EPPK1: variants seen among roughly 807,000 people sequenced by gnomAD.
EPPK1 encodes epiplakin 1.
For synonymous variants in EPPK1, 1,862 were observed against 1,721.2 expected (o/e 1.08, Z -2.03); for missense variants, 3,823 against 3,673.3 (o/e 1.04, Z -1.05).
At position 143,868,573 on chromosome 8, in the gene EPPK1, C is replaced by G; in HGVS notation, c.4681G>C (p.Asp1561His). ...CCCTCCAGGGACCGCTTCACGCTGT[C>G]CATCTCCGCCACCTCCTTCACAGTC... is the stretch of plus-strand genomic sequence containing the variant. ...TTTVKEVAEMDSVKRSLEGGN... is the reference protein window; with the variant it reads ...TTTVKEVAEMHSVKRSLEGGN... The change falls in exon 2 of 2, where the codon GAC (aspartate) becomes CAC (histidine). Residue 1561 changes from aspartate (D) to histidine (H), a missense_variant. Transcript: ENST00000615648. 1 of 1,603,822 alleles carries G rather than the reference C, an allele frequency of 6.2e-7. No homozygotes were observed. The highest frequency in any genetic ancestry group is 1.1e-5 in the South Asian group (1 of 89,506).
Position 143,869,678 on chromosome 8 carries a change from G to A in EPPK1, c.3576C>T (p.Ala1192=), listed in dbSNP as rs1210544250. The A allele has an allele frequency of 6.3e-6, 10 of 1,596,694 alleles. No homozygotes were observed. The highest frequency in any genetic ancestry group is 7.7e-6 in the Non-Finnish European group (9 of 1,172,788). ...CCCGTGGGCCGGGCACCATGACGCG[G>A]GCCTGGGCCAGGAGCTTGGTCTCCT... ...WVQETKLLAQ[A]RVMVPGPRGE... is the part of the protein sequence containing the mutation. Residue 1192 remains alanine, a synonymous_variant, in exon 2 of 2, where the codon GCC becomes GCT. Transcript: ENST00000615648.
upstream of EPPK1, chr8:143,878,553 G>T (rs1433314576): frequency 1.7e-5 from 1 of 58,600 alleles, no homozygotes; most frequent in South Asian, 4.3e-4. Context: ...CCCGACGCGG[G>T]GCGGGGCGGG....
In EPPK1 at chr8:143,866,711, G is replaced by T. The variant is rs1554659136; in HGVS notation, c.6543C>A (p.Ile2181=). The part of the protein sequence containing the change: ...HLWFQGIRRQ[I]TASELLSSAI... ...CTGAGCTGAGGAGTTCAGAAGCTGT[G>T]ATCTGTCGTCTAATTCCTTGGAACC... Residue 2181 remains isoleucine (I), a synonymous_variant, in exon 2 of 2, where the codon ATC becomes ATA. Coordinates refer to ENST00000615648, the MANE Select transcript of EPPK1 (RefSeq NM_031308.4). 3 of 1,613,412 alleles carry T rather than the reference G, an allele frequency of 1.9e-6. No homozygotes were observed. The Admixed American group carries it at 5.0e-5, about 27-fold the overall frequency.
In EPPK1 at chr8:143,871,909, C is replaced by T. The variant is rs1554661351; in HGVS notation, c.1345G>A (p.Glu449Lys). The T allele has an allele frequency of 6.2e-7, 1 of 1,607,848 alleles. No homozygotes were observed. The highest frequency in any genetic ancestry group is 1.1e-5 in the South Asian group (1 of 91,036). ...SDGTHGGLRYEQLLALCVTDP... is the reference protein window; with the variant it reads ...SDGTHGGLRYKQLLALCVTDP... ...GTGACACAGAGGGCCAGCAGCTGTT[C>T]ATAGCGCAGGCCGCCGTGCGTGCCG... The change falls in exon 2 of 2, where the codon GAA becomes AAA. Residue 449 changes from glutamate to lysine, a missense_variant. Coordinates refer to ENST00000615648, the MANE Select transcript of EPPK1 (RefSeq NM_031308.4).
chr8:143,867,688 C>G lies in EPPK1; in HGVS notation c.5566G>C (p.Ala1856Pro). ...KVAAIRGEVT[A>P]ADLFNSRVID... ...ACCCTGGAGTTGAACAGGTCTGCAG[C>G]TGTCACCTCCCCTCTGATGGCCGCC... The change falls in exon 2 of 2, where the codon GCT becomes CCT. Residue 1856 changes from alanine (A) to proline (P), a missense_variant. Transcript: ENST00000615648. The G allele has an allele frequency of 2.5e-6, 4 of 1,613,572 alleles. No homozygotes were observed. The highest frequency in any genetic ancestry group is 3.4e-6 in the Non-Finnish European group (4 of 1,179,858).
At chr8:143,877,201 C>T (rs896313366) in intron 1 of EPPK1, among the ~76,000 whole-genome samples, 2 of 152,218 alleles carry the variant, frequency 1.3e-5, no homozygotes, top group Admixed American at 6.5e-5. Context: ...CTGGTATGAA[C>T]CCCTCTGGGC....
At chr8:143,873,709 C>T (rs1819427015) in intron 1 of EPPK1, among the ~76,000 whole-genome samples, 1 of 152,172 alleles carries the variant, frequency 6.6e-6, no homozygotes, top group African/African-American at 2.4e-5. Context: ...TGTGGCTCCA[C>T]CCACAGGGCC....
intron 1 of EPPK1, among the ~76,000 whole-genome samples, chr8:143,874,840 G>T (rs1819450103): frequency 1.3e-5 from 2 of 152,118 alleles, no homozygotes; most frequent in South Asian, 4.2e-4. Flanking sequence ...CTCTACACAA[G>T]GTCTCAGGAG....
Position 143,866,318 on chromosome 8 carries a change from G to T in EPPK1, c.6936C>A (p.Asp2312Glu). 1.3e-5 allele frequency: 5 copies of T among 397,358 alleles called. No homozygotes were observed. Among genetic ancestry groups the T allele is most frequent in the Non-Finnish European group, 2.0e-5 (5 of 250,112 alleles). 24.6% of individuals were successfully genotyped at this position (397,358 alleles called of 1,614,324 possible). Residue 2312 changes from aspartate (D) to glutamate (E), a missense_variant, in exon 2 of 2, where the codon GAC becomes GAA. Physicochemically the swap from Asp to Glu is conservative, Grantham distance 45. Coordinates refer to ENST00000615648, the MANE Select transcript of EPPK1 (RefSeq NM_031308.4). ...GGGAGATCTGCTGCCCGGTGTAGGG[G>T]TCGGTGTAGCCGGTGACGGCGCGCT... ...SAERAVTGYT[D>E]PYTGQQISLF... is the part of the protein sequence containing the mutation.
In EPPK1 at chr8:143,866,794, C is replaced by T; in HGVS notation, c.6460G>A (p.Val2154Ile). The T allele has an allele frequency of 6.2e-7, 1 of 1,613,462 alleles. No homozygotes were observed. The highest frequency in any genetic ancestry group is 8.5e-7 in the Non-Finnish European group (1 of 1,179,862). Residue 2154 changes from valine (V) to isoleucine (I), a missense_variant, in exon 2 of 2, where the codon GTA becomes ATA. Val to Ile is a conservative substitution (Grantham distance 29, BLOSUM62 3). Transcript: ENST00000615648. ...ATCAACTCTAAGATGAGCTGCGCTA[C>T]CGTCTGCAGTGCCCGTCTGGTGTGT... is the stretch of plus-strand genomic sequence containing the variant. Reference protein sequence around the residue: ...RTHTRRALQTVAQLILELIEK... With the variant: ...RTHTRRALQTIAQLILELIEK...
chr8:143,878,901 AG>A (rs1488409697), upstream of EPPK1, among the ~76,000 whole-genome samples: 10 of 152,134 alleles, frequency 6.6e-5, no homozygotes, highest in Admixed American at 5.9e-4. Flanking sequence ...TGCTGGGTCC[AG>A]GGGTCTTCAA....
rs1819158052 is a variant in EPPK1, at chr8:143,867,259, CGAT to C, written c.5992_5994del (p.Ile1998del). 1 of 1,612,440 alleles carries C rather than the reference CGAT, an allele frequency of 6.2e-7. No homozygotes were observed. Among genetic ancestry groups the C allele is most frequent in the Non-Finnish European group, 8.5e-7 (1 of 1,179,660 alleles). ...AGCAGCCTCAGTGCCTCCGCCTTCT[CGAT>C]GAGCTGCTTCTGCATGGCCTGGAAC... On this transcript the variant is annotated inframe_deletion, in exon 2 of 2. Coordinates refer to ENST00000615648, the MANE Select transcript of EPPK1 (RefSeq NM_031308.4).
At chr8:143,876,218 C>A (rs1554662281) in intron 1 of EPPK1, among the ~76,000 whole-genome samples, 1 of 152,164 alleles carries the variant, frequency 6.6e-6, no homozygotes, top group Non-Finnish European at 1.5e-5. Flanking sequence ...CTGGTGTGCC[C>A]TGCCTGGTTC....
At position 143,871,644 on chromosome 8, in the gene EPPK1, G is replaced by A. The variant is rs1554661252; in HGVS notation, c.1610C>T (p.Ser537Phe). The change falls in exon 2 of 2, where the codon TCC (serine) becomes TTC (phenylalanine). Residue 537 changes from serine (S) to phenylalanine (F), a missense_variant. Physicochemically the swap from Ser to Phe is radical, Grantham distance 155. Transcript: ENST00000615648. ...CAGCTTAGCGGCCAGCTTCTCCACG[G>A]AGAGGGTCCCTTCCTGGTACTGCTG... ...LAQQYQEGTLSVEKLAAKLSA... is the reference protein window; with the variant it reads ...LAQQYQEGTLFVEKLAAKLSA... 1 of 1,603,378 alleles carries A rather than the reference G, an allele frequency of 6.2e-7. No individual in the cohort carries two copies. Among genetic ancestry groups the A allele is most frequent in the South Asian group, 1.1e-5 (1 of 89,668 alleles).
chr8:143,867,125 G>A lies in EPPK1; in HGVS notation c.6129C>T (p.Leu2043=), dbSNP rs782390496. 6.8e-6 allele frequency: 11 copies of A among 1,612,936 alleles called. No individual in the cohort carries two copies. In the South Asian group the frequency reaches 1.1e-4, roughly 16 times the overall value. ...RGCLHKDIYA[L]ISDQKHMRKR... is the part of the protein sequence containing the mutation. ...TCCTCATGTGCTTCTGGTCGGAAAT[G>A]AGCGCATAGATGTCCTTGTGCAGAC... Residue 2043 remains leucine (L), a synonymous_variant, in exon 2 of 2, where the codon CTC becomes CTT. Transcript: ENST00000615648.
chr8:143,870,892 C>G lies in EPPK1; in HGVS notation c.2362G>C (p.Asp788His). ...AGGAGGTACAGGCCCGTCTCGGGGT[C>G]ACGCACACAGCGCTCCAGAAGCTGC... is the stretch of plus-strand genomic sequence containing the variant. ...YLQLLERCVRDPETGLYLLPL... is the reference protein window; with the variant it reads ...YLQLLERCVRHPETGLYLLPL... Residue 788 changes from aspartate (D) to histidine (H), a missense_variant, in exon 2 of 2, where the codon GAC becomes CAC. By Grantham distance (81) the Asp-to-His change is moderately conservative. Transcript: ENST00000615648. The surrounding 1 kb of genome is among the most constrained non-coding windows in gnomAD (Gnocchi z 5.2). The G allele has an allele frequency of 6.2e-7, 1 of 1,613,206 alleles. No individual in the cohort carries two copies. The highest frequency in any genetic ancestry group is 1.3e-5 in the African/African-American group (1 of 75,046).
chr8:143,869,215 C>T lies in EPPK1; in HGVS notation c.4039G>A (p.Val1347Met), dbSNP rs370944860. The T allele has an allele frequency of 3.4e-5, 55 of 1,610,456 alleles. No homozygotes were observed. The African/African-American group carries it at 4.9e-4, about 14-fold the overall frequency. ...SLWQAMEKGLVPQNEGLPLLQ... is the reference protein window; with the variant it reads ...SLWQAMEKGLMPQNEGLPLLQ... ...AGGGGCAAGCCCTCGTTCTGTGGCACGAGCCCCTTCTCCATGGCCTGCCAC... is the reference window on the plus strand; with the variant it reads ...AGGGGCAAGCCCTCGTTCTGTGGCATGAGCCCCTTCTCCATGGCCTGCCAC... Residue 1347 changes from valine to methionine, a missense_variant, in exon 2 of 2, where the codon GTG (valine) becomes ATG (methionine). Transcript: ENST00000615648.
At chr8:143,875,528 G>A (rs1307325913) in intron 1 of EPPK1, among the ~76,000 whole-genome samples, 6 of 152,380 alleles carry the variant, frequency 3.9e-5, no homozygotes, top group Admixed American at 6.5e-5. Flanking sequence ...CCGAGGGACC[G>A]TGCTCAGGAC....
In EPPK1 at chr8:143,869,454, C is replaced by T. The variant is rs782748139; in HGVS notation, c.3800G>A (p.Arg1267Lys). Residue 1267 changes from arginine to lysine, a missense_variant, in exon 2 of 2, where the codon AGG (arginine) becomes AAG (lysine). By Grantham distance (26) the Arg-to-Lys change is conservative. Transcript: ENST00000615648. The stretch of plus-strand genomic sequence containing the variant: ...CAGGCCTGTGGGCAGGAGGCCATCC[C>T]TCACGGCCTGGGCGATGCTGGCCTT... ...GAKASIAQAV[R>K]DGLLPTGLGQ... 6 of 1,568,404 alleles carry T rather than the reference C, an allele frequency of 3.8e-6. No individual in the cohort carries two copies. Among genetic ancestry groups the T allele is most frequent in the Non-Finnish European group, 5.2e-6 (6 of 1,161,600 alleles).
Sources: allele counts gnomAD v4.1 joint callset (sites outside exome capture counted in the v4.1 genomes callset), GRCh38; gene constraint gnomAD v4.1.1; non-coding constraint Gnocchi (gnomAD v3.1); transcripts MANE v1.5; gene names NCBI Gene and HGNC (gene_info 2026-07-23, HGNC 2026-07-21).